Variants in PRKG1 observed in about 807,000 individuals in gnomAD.
The protein encoded by PRKG1 is cGMP-dependent protein kinase 1.
A neutral mutation model predicts 88.1 loss-of-function variants in PRKG1; 35 were observed. The ratio of observed to expected loss-of-function variants is 0.40; its 90% CI spans 0.30 to 0.53. The LOEUF is 0.53. Ranked by LOEUF, PRKG1 falls within the 20% of genes least tolerant of loss-of-function variation. The pLI is 0.59. For missense variants in PRKG1, 540 were observed against 839.8 expected (o/e 0.64, Z 4.41); for synonymous variants, 303 against 292.5 (o/e 1.04, Z -0.37).
At chr10:51,088,160 A>G (rs1269574131) in intron 1 of PRKG1, among the ~76,000 whole-genome samples, 1 of 152,104 alleles carries the variant, frequency 6.6e-6, no homozygotes, top group East Asian at 1.9e-4. Context: ...GTACTTGAGT[A>G]TTTTGTTTGT....
At chr10:52,118,379 C>T (rs188543623) in intron 7 of PRKG1, among the ~76,000 whole-genome samples, 6 of 151,924 alleles carry the variant, frequency 3.9e-5, no homozygotes, top group East Asian at 1.9e-4. Flanking sequence ...GCTATAAATA[C>T]TTAAGGAAAC....
intron 2 of PRKG1, among the ~76,000 whole-genome samples, chr10:51,176,161 G>T (rs1837185945): frequency 6.6e-6 from 1 of 152,032 alleles, no homozygotes; most frequent in Admixed American, 6.6e-5. Context: ...AATTATTAAA[G>T]TTAGGTTATT....
intron 2 of PRKG1, among the ~76,000 whole-genome samples, chr10:51,181,803 C>G (rs1226475224): frequency 6.6e-6 from 1 of 152,180 alleles, no homozygotes; most frequent in East Asian, 1.9e-4. Flanking sequence ...AAGGAGAATT[C>G]GACACAGGTC....
intron 2 of PRKG1, among the ~76,000 whole-genome samples, chr10:51,238,048 CAT>C (rs1839044222): frequency 6.6e-6 from 1 of 152,106 alleles, no homozygotes. Flanking sequence ...TAGACAATTA[CAT>C]ATTCTTCTAT....
intron 5 of PRKG1, among the ~76,000 whole-genome samples, chr10:51,931,582 T>C (rs1421926016): frequency 6.6e-6 from 1 of 152,204 alleles, no homozygotes; most frequent in Non-Finnish European, 1.5e-5. Flanking sequence ...AAGGTTCCCT[T>C]GTCTTTAGCT....
At chr10:52,226,671 C>T (rs893505875) in intron 9 of PRKG1, among the ~76,000 whole-genome samples, 3 of 152,122 alleles carry the variant, frequency 2.0e-5, no homozygotes, top group Admixed American at 6.6e-5. Context: ...AGCTCCTGAT[C>T]ACAAGATGCA....
At chr10:51,554,087 ACGTG>A (rs1837232158) in intron 3 of PRKG1, among the ~76,000 whole-genome samples, 1 of 132,296 alleles carries the variant, frequency 7.6e-6, no homozygotes, top group African/African-American at 3.1e-5. Flanking sequence ...CGTATGTGAT[ACGTG>A]TATATATTAT....
At chr10:51,305,537 C>T (rs1329174911) in intron 2 of PRKG1, among the ~76,000 whole-genome samples, 1 of 152,058 alleles carries the variant, frequency 6.6e-6, no homozygotes, top group Non-Finnish European at 1.5e-5. Context: ...TCCTCAAAAA[C>T]AAAAACTTTC....
intron 5 of PRKG1, among the ~76,000 whole-genome samples, chr10:51,977,182 A>G (rs1843859209): frequency 6.6e-6 from 1 of 151,880 alleles, no homozygotes; most frequent in Admixed American, 6.6e-5. Flanking sequence ...CATTCTCATC[A>G]TGTAGCTTTC....
chr10:51,133,887 T>C (rs1293241551), intron 1 of PRKG1, among the ~76,000 whole-genome samples: 1 of 152,206 alleles, frequency 6.6e-6, no homozygotes, highest in Non-Finnish European at 1.5e-5. Context: ...AGTACATTGT[T>C]AAAGCCTAAA....
At chr10:51,221,876 C>CTTTCT (rs1554848399) in intron 2 of PRKG1, among the ~76,000 whole-genome samples, 5 of 127,162 alleles carry the variant, frequency 3.9e-5, no homozygotes, top group Admixed American at 8.4e-5. Flanking sequence ...TCTTTTCTTT[C>CTTTCT]TTTTTTTTTT....
intron 2 of PRKG1, among the ~76,000 whole-genome samples, chr10:51,404,145 C>T (rs980120921): frequency 2.0e-5 from 3 of 152,238 alleles, no homozygotes; most frequent in South Asian, 4.1e-4. Context: ...TGTAAGCAAA[C>T]GTGATGTAGC....
chr10:51,455,758 C>A (rs74271825), intron 2 of PRKG1, among the ~76,000 whole-genome samples: 1 of 152,202 alleles, frequency 6.6e-6, no homozygotes, highest in Admixed American at 6.5e-5. Context: ...TTGGTCAAAG[C>A]CATTCAACAA....
At chr10:52,239,295 C>A (rs1430504672) in intron 9 of PRKG1, among the ~76,000 whole-genome samples, 1 of 132,044 alleles carries the variant, frequency 7.6e-6, no homozygotes, top group African/African-American at 2.8e-5. Context: ...ACAATGTGCA[C>A]ATGTACCCTA....
At chr10:51,862,294 G>A (rs974265354) in intron 4 of PRKG1, among the ~76,000 whole-genome samples, 4 of 152,164 alleles carry the variant, frequency 2.6e-5, no homozygotes, top group Non-Finnish European at 1.5e-5. Context: ...GGGAGCTTGT[G>A]GTGCCCAGCA....
At chr10:51,175,929 C>A (rs928210188) in intron 2 of PRKG1, among the ~76,000 whole-genome samples, 1 of 151,992 alleles carries the variant, frequency 6.6e-6, no homozygotes, top group Non-Finnish European at 1.5e-5. Context: ...TGAGTAATTG[C>A]ATCTTTCATA....
chr10:52,032,594 A>C (rs1186443918), intron 5 of PRKG1, among the ~76,000 whole-genome samples: 1 of 152,176 alleles, frequency 6.6e-6, no homozygotes, highest in African/African-American at 2.4e-5. Context: ...ATTTAGTCAT[A>C]TTGTATTCAG....
intron 2 of PRKG1, among the ~76,000 whole-genome samples, chr10:51,298,594 T>C (rs12260968): frequency 0.015 from 2,338 of 152,302 alleles, 67 homozygotes; most frequent in African/African-American, 0.053. Flanking sequence ...TGGGTTTTTA[T>C]TTTACAATCT....
At chr10:52,079,140 T>C (rs1846704908) in intron 7 of PRKG1, among the ~76,000 whole-genome samples, 1 of 152,248 alleles carries the variant, frequency 6.6e-6, no homozygotes, top group African/African-American at 2.4e-5. Flanking sequence ...CTCTGTGTCA[T>C]AGCTCTCCTT....
Sources: gnomAD v4.1 joint callset for allele counts (sites outside exome capture counted in the v4.1 genomes callset) on GRCh38, gnomAD v4.1.1 for gene constraint, MANE v1.5 for transcripts, NCBI Gene and HGNC (gene_info 2026-07-23, HGNC 2026-07-21) for gene names.